PDGFD: variants seen among roughly 807,000 people sequenced by gnomAD.
The protein encoded by PDGFD is platelet derived growth factor D, also known as platelet-derived growth factor D.
In PDGFD, 30 loss-of-function variants were observed where a neutral mutation model predicts 44.7. The observed-to-expected ratio is 0.67, with a 90% CI of 0.50 to 0.91. PDGFD has a LOEUF of 0.91. PDGFD is among the 40% of genes least tolerant of loss of function. The pLI is 0.00. For synonymous variants in PDGFD, 173 were observed against 168.4 expected (o/e 1.03, Z -0.21); for missense variants, 445 against 457.8 (o/e 0.97, Z 0.25).
At chr11:103,960,314 C>A (rs550902094) in intron 3 of PDGFD, among the ~76,000 whole-genome samples, 2 of 152,166 alleles carry the variant, frequency 1.3e-5, no homozygotes, top group African/African-American at 4.8e-5. Flanking sequence ...TTATTGCCCA[C>A]GCCCAAGGAT....
At chr11:104,054,182 C>T (rs540505886) in intron 1 of PDGFD, among the ~76,000 whole-genome samples, 17 of 152,268 alleles carry the variant, frequency 1.1e-4, no homozygotes, top group East Asian at 3.9e-4. Context: ...TACTGGGAAG[C>T]GATTTCTGCA....
chr11:103,909,885 C>T, intron 6 of PDGFD, 66 bp from the exon 7 acceptor site: 3 of 1,588,578 alleles, frequency 1.9e-6, no homozygotes, highest in East Asian at 2.2e-5. Context: ...ATGCCACCTA[C>T]TTATTACCTT....
chr11:104,080,400 A>C (rs1861028365), intron 1 of PDGFD, among the ~76,000 whole-genome samples: 1 of 152,218 alleles, frequency 6.6e-6, no homozygotes, highest in Non-Finnish European at 1.5e-5. Flanking sequence ...AGTACTTTAA[A>C]TATCATATGA....
intron 1 of PDGFD, among the ~76,000 whole-genome samples, chr11:104,067,823 A>G (rs950243755): frequency 6.6e-6 from 1 of 152,156 alleles, no homozygotes; most frequent in Non-Finnish European, 1.5e-5. Flanking sequence ...TACATAGAGC[A>G]GTTATGCTCA....
At chr11:104,067,395 A>T (rs1860804739) in intron 1 of PDGFD, among the ~76,000 whole-genome samples, 5 of 152,334 alleles carry the variant, frequency 3.3e-5, no homozygotes, top group Middle Eastern at 3.4e-3. Context: ...ACAATTTTTT[A>T]AAATAGAAGT....
intron 1 of PDGFD, among the ~76,000 whole-genome samples, chr11:104,143,416 T>A (rs1486381688): frequency 6.6e-6 from 1 of 152,206 alleles, no homozygotes; most frequent in African/African-American, 2.4e-5. Flanking sequence ...AAGCAGAAAC[T>A]CTTTACTTCT....
At chr11:104,143,773 T>C (rs1862120177) in intron 1 of PDGFD, among the ~76,000 whole-genome samples, 1 of 152,216 alleles carries the variant, frequency 6.6e-6, no homozygotes, top group South Asian at 2.1e-4. Flanking sequence ...CAAGTGAAAC[T>C]CACTTCCAAA....
intron 1 of PDGFD, among the ~76,000 whole-genome samples, chr11:104,130,073 C>T (rs1309520163): frequency 2.0e-5 from 3 of 149,676 alleles, no homozygotes; most frequent in Non-Finnish European, 3.0e-5. Context: ...AGGGGGTTGA[C>T]AGAGCATGAA....
chr11:104,118,412 C>T (rs1045478867), intron 1 of PDGFD, among the ~76,000 whole-genome samples: 5 of 151,836 alleles, frequency 3.3e-5, no homozygotes, highest in South Asian at 2.1e-4. Flanking sequence ...AGTTCATCTT[C>T]GACTTCCCAG....
intron 3 of PDGFD, among the ~76,000 whole-genome samples, chr11:103,967,677 G>T (rs1193779723): frequency 1.3e-5 from 2 of 152,064 alleles, no homozygotes; most frequent in Non-Finnish European, 2.9e-5. Context: ...GAACAATCAA[G>T]TCATCAACAT....
At position 104,098,954 on chromosome 11, in the gene PDGFD, T is replaced by C. The variant is rs570901265; in HGVS notation, c.124+64850A>G. Among the ~76,000 whole-genome samples, 14 of 136,176 alleles carry C rather than the reference T, an allele frequency of 1.0e-4. No individual in the cohort carries two copies. The South Asian group carries it at 3.5e-3, about 34-fold the overall frequency. The allele number at this position is 136,176 out of a possible 152,430, so 89.3% of individuals were successfully genotyped here. On this transcript the variant is annotated intron_variant, in intron 1 of 6. Transcript: ENST00000393158. ...CGGTAGGTGAAACTTCTTATATACATTGAGCAGGTTTTAAAAATCACTTTC... is the reference window on the plus strand; with the variant it reads ...CGGTAGGTGAAACTTCTTATATACACTGAGCAGGTTTTAAAAATCACTTTC...
At chr11:103,979,848 GC>G (rs923540389) in intron 3 of PDGFD, among the ~76,000 whole-genome samples, 4 of 152,002 alleles carry the variant, frequency 2.6e-5, no homozygotes, top group African/African-American at 4.8e-5. Flanking sequence ...CACAAGGGAT[GC>G]TCTTACAAAA....
At chr11:104,141,234 G>A (rs1179210135) in intron 1 of PDGFD, among the ~76,000 whole-genome samples, 1 of 152,106 alleles carries the variant, frequency 6.6e-6, no homozygotes, top group African/African-American at 2.4e-5. Context: ...GTTTTCATTT[G>A]TTGTAGGTTG....
intron 1 of PDGFD, among the ~76,000 whole-genome samples, chr11:104,137,549 T>C (rs1862026356): frequency 6.6e-6 from 1 of 152,138 alleles, no homozygotes; most frequent in Non-Finnish European, 1.5e-5. Context: ...CAAAAAGTAC[T>C]GAGTCTCTTT....
chr11:104,004,676 C>G (rs190053796), intron 1 of PDGFD, among the ~76,000 whole-genome samples: 14 of 151,906 alleles, frequency 9.2e-5, no homozygotes, highest in African/African-American at 3.4e-4. Context: ...AAAATTCTGC[C>G]AAAAAATACA....
At chr11:103,984,834 A>G (rs1422040529) in intron 3 of PDGFD, among the ~76,000 whole-genome samples, 1 of 143,158 alleles carries the variant, frequency 7.0e-6, no homozygotes, top group African/African-American at 2.6e-5. Flanking sequence ...TATATAATAT[A>G]TTAATTTATT....
chr11:104,137,803 C>T (rs529138365), intron 1 of PDGFD, among the ~76,000 whole-genome samples: 2 of 140,572 alleles, frequency 1.4e-5, no homozygotes, highest in Admixed American at 7.5e-5. Context: ...GAGTTCTGTC[C>T]GACATTTGAC....
intron 3 of PDGFD, among the ~76,000 whole-genome samples, chr11:103,983,023 C>T (rs1167142187): frequency 6.6e-6 from 1 of 151,758 alleles, no homozygotes; most frequent in Non-Finnish European, 1.5e-5. Flanking sequence ...ATGCTATTCC[C>T]ATTAAATTAC....
At chr11:103,988,959 A>C (rs900537228) in intron 3 of PDGFD, among the ~76,000 whole-genome samples, 1 of 152,186 alleles carries the variant, frequency 6.6e-6, no homozygotes, top group African/African-American at 2.4e-5. Flanking sequence ...AATACTTCAC[A>C]TACAATGCCT....
Sources: gnomAD v4.1 joint callset for allele counts (sites outside exome capture counted in the v4.1 genomes callset) on GRCh38, gnomAD v4.1.1 for gene constraint, MANE v1.5 for transcripts, NCBI Gene and HGNC (gene_info 2026-07-23, HGNC 2026-07-21) for gene names.